MOXD1: variants seen among roughly 807,000 people sequenced by gnomAD.
MOXD1 encodes the protein monooxygenase DBH like 1.
MOXD1 carries 62 observed loss-of-function variants against 66.6 expected under a neutral mutation model. That is an observed-to-expected ratio of 0.93 (90% CI 0.76 to 1.15). MOXD1 has a LOEUF of 1.15. Among genes scored for constraint, MOXD1 ranks in the 50% most tolerant of loss-of-function variants. The pLI is 0.00. For synonymous variants in MOXD1, 303 were observed against 281.9 expected (o/e 1.07, Z -0.75); for missense variants, 847 against 754.6 (o/e 1.12, Z -1.44).
intron 1 of MOXD1, among the ~76,000 whole-genome samples, chr6:132,385,167 A>T (rs1053049932): frequency 6.6e-6 from 1 of 152,106 alleles, no homozygotes; most frequent in Admixed American, 6.5e-5. Context: ...ATTTGTAGAG[A>T]TGGGGAAGCC....
chr6:132,392,299 G>T (rs748147004), intron 1 of MOXD1: 40 of 1,596,818 alleles, frequency 2.5e-5, no homozygotes, highest in South Asian at 6.8e-5. Flanking sequence ...AGCAAGCAAG[G>T]CTGTAAGAAA....
At position 132,372,707 on chromosome 6, in the gene MOXD1, G is replaced by T; in HGVS notation, c.580-16C>A. 6.2e-7 allele frequency: 1 copy of T among 1,611,974 alleles called. No homozygotes were observed. ...GGATGGGGACCTGTCTTAATAAAAAGGGGAGGAAGACACAAAGTCACCTTC... is the reference window on the plus strand; with the variant it reads ...GGATGGGGACCTGTCTTAATAAAAATGGGAGGAAGACACAAAGTCACCTTC... On this transcript the variant is annotated splice_polypyrimidine_tract_variant and intron_variant, in intron 3 of 11. Transcript: ENST00000367963.
At chr6:132,307,764 A>G (rs944153552) in intron 10 of MOXD1, among the ~76,000 whole-genome samples, 10 of 152,234 alleles carry the variant, frequency 6.6e-5, no homozygotes, top group Non-Finnish European at 1.3e-4. Flanking sequence ...CTGGTCCTGA[A>G]TGACTCCTGA....
intron 10 of MOXD1, among the ~76,000 whole-genome samples, chr6:132,308,800 G>A (rs769475785): frequency 2.6e-5 from 4 of 152,008 alleles, no homozygotes; most frequent in Non-Finnish European, 5.9e-5. Context: ...CGCACAAAAG[G>A]CCTTTGATAA....
chr6:132,359,612 G>C (rs181930129), intron 4 of MOXD1, among the ~76,000 whole-genome samples: 17 of 150,022 alleles, frequency 1.1e-4, no homozygotes, highest in South Asian at 1.1e-3. Context: ...TCAGCCTCCC[G>C]AGTAGCTGGG....
At chr6:132,307,383 C>A (rs1430495622) in intron 10 of MOXD1, among the ~76,000 whole-genome samples, 1 of 152,122 alleles carries the variant, frequency 6.6e-6, no homozygotes, top group Non-Finnish European at 1.5e-5. Flanking sequence ...TTCTTAGAGA[C>A]CTACAAAGAG....
chr6:132,303,880 CATATAT>C (rs369032635), intron 10 of MOXD1, among the ~76,000 whole-genome samples: 16,617 of 83,728 alleles, frequency 0.2, 2,390 homozygotes, highest in African/African-American at 0.41. Flanking sequence ...TATATATATA[CATATAT>C]ACATAAAACC....
intron 4 of MOXD1, among the ~76,000 whole-genome samples, chr6:132,333,669 C>T (rs929262470): frequency 1.7e-4 from 26 of 152,116 alleles, no homozygotes; most frequent in African/African-American, 5.3e-4. Context: ...AAGACACAAA[C>T]ATGGAAATTC....
At position 132,328,090 on chromosome 6, in the gene MOXD1, C is replaced by T. The variant is rs2114582790; in HGVS notation, c.869G>A (p.Gly290Glu). 1.2e-6 allele frequency: 2 copies of T among 1,613,734 alleles called. No individual in the cohort carries two copies. Among genetic ancestry groups the T allele is most frequent in the East Asian group, 2.2e-5 (1 of 44,860 alleles). ...ATCTAATGGAGTGCCAAGGGATAAT[C>T]CAACATGAGGTGGATAAGAAAAGCC... ...GEGFSYPPHV[G>E]LSLGTPLDPH... Residue 290 changes from glycine to glutamate, a missense_variant, in exon 6 of 12, where the codon GGA (glycine) becomes GAA (glutamate). By Grantham distance (98) the Gly-to-Glu change is moderately conservative (BLOSUM62 -2). Transcript: ENST00000367963.
In MOXD1 at chr6:132,303,825, GTGTGTGTGTGTATATATA is replaced by G. The variant is rs1562276322; in HGVS notation, c.1509-5888_1509-5871del. On this transcript the variant is annotated intron_variant, in intron 10 of 11. Coordinates refer to ENST00000367963, the MANE Select transcript of MOXD1 (RefSeq NM_015529.4). The stretch of plus-strand genomic sequence containing the variant: ...CACACACATGTGTGTGTGTGTGTGT[GTGTGTGTGTGTATATATA>G]TATATATATATATATATATATATAT... Among the ~76,000 whole-genome samples, 28 of 96,834 alleles carry G rather than the reference GTGTGTGTGTGTATATATA, an allele frequency of 2.9e-4. No homozygotes were observed. The East Asian group carries it at 3.5e-3, about 12-fold the overall frequency. The allele number at this position is 96,834 out of a possible 152,430, so 63.5% of individuals were successfully genotyped here. A position where few individuals can be genotyped will look rare whatever the true frequency, so the allele number is the denominator to read the frequency against.
At position 132,400,667 on chromosome 6, in the gene MOXD1, T is replaced by C. The variant is rs189841909; in HGVS notation, c.264+496A>G. On this transcript the variant is annotated intron_variant, in intron 1 of 11. Transcript: ENST00000367963. ...GGCCCTTCATTCTTCTGGAGAATGGTGTAGCTGACATCAGCCCCGCGCCTG... is the reference window on the plus strand; with the variant it reads ...GGCCCTTCATTCTTCTGGAGAATGGCGTAGCTGACATCAGCCCCGCGCCTG... Among the ~76,000 whole-genome samples the C allele has an allele frequency of 7.2e-5, 11 of 152,098 alleles. No individual in the cohort carries two copies. In the East Asian group the frequency reaches 2.1e-3, roughly 30 times the overall value.
chr6:132,336,862 C>A (rs1775451592), intron 4 of MOXD1, among the ~76,000 whole-genome samples: 2 of 152,182 alleles, frequency 1.3e-5, no homozygotes, highest in South Asian at 2.1e-4. Flanking sequence ...CCTTGCCCTG[C>A]CAGCCACAAT....
Position 132,372,617 on chromosome 6 carries a change from A to T in MOXD1, c.654T>A (p.His218Gln). 6.8e-6 allele frequency: 11 copies of T among 1,612,420 alleles called. No homozygotes were observed. Among genetic ancestry groups the T allele is most frequent in the Non-Finnish European group, 9.3e-6 (11 of 1,178,488 alleles). Residue 218 changes from histidine (H) to glutamine (Q), a missense_variant, in exon 4 of 12, where the codon CAT becomes CAA. Coordinates refer to ENST00000367963, the MANE Select transcript of MOXD1 (RefSeq NM_015529.4). ...TGAATGAGTCACATACCTTTATTAC[A>T]TGATGCTTTTCTTGGAACACAGGAA... ...FKIPVFQEKH[H>Q]VIKVEPVIQR...
chr6:132,352,095 T>A (rs954679676), intron 4 of MOXD1, among the ~76,000 whole-genome samples: 8 of 152,286 alleles, frequency 5.3e-5, no homozygotes, highest in Middle Eastern at 3.4e-3. Flanking sequence ...TCATTAATGT[T>A]TTGTATTGTT....
chr6:132,323,133 T>C (rs1775114511), intron 7 of MOXD1, among the ~76,000 whole-genome samples: 1 of 152,176 alleles, frequency 6.6e-6, no homozygotes, highest in Admixed American at 6.5e-5. Context: ...TTCCTTCTTT[T>C]AGGAGGATAA....
chr6:132,303,145 T>A (rs1285494064), intron 10 of MOXD1, among the ~76,000 whole-genome samples: 1 of 152,052 alleles, frequency 6.6e-6, no homozygotes, highest in Non-Finnish European at 1.5e-5. Flanking sequence ...TTAAGCAGGA[T>A]ATGAAAAGCA....
intron 4 of MOXD1, among the ~76,000 whole-genome samples, chr6:132,367,006 G>A (rs1776162628): frequency 1.3e-5 from 2 of 152,076 alleles, no homozygotes; most frequent in Admixed American, 1.3e-4. Flanking sequence ...GAGAACAGAA[G>A]CATGGATATT....
At chr6:132,384,284 TC>T (rs201985491) in intron 1 of MOXD1, among the ~76,000 whole-genome samples, 3,594 of 70,320 alleles carry the variant, frequency 0.051, 244 homozygotes, top group East Asian at 0.49. Context: ...CTTCCTTCCT[TC>T]CTTCCTCCTT....
intron 4 of MOXD1, among the ~76,000 whole-genome samples, chr6:132,346,759 G>A (rs1482737525): frequency 6.6e-6 from 1 of 152,144 alleles, no homozygotes; most frequent in Admixed American, 6.5e-5. Context: ...GCACAGCAGA[G>A]CTGTTTTTTG....
Sources: allele counts gnomAD v4.1 joint callset (sites outside exome capture counted in the v4.1 genomes callset), GRCh38; gene constraint gnomAD v4.1.1; transcripts MANE v1.5; gene names NCBI Gene and HGNC (gene_info 2026-07-23, HGNC 2026-07-21).